Variants in FAM76B observed in about 807,000 individuals in gnomAD.
The protein encoded by FAM76B is protein FAM76B.
A neutral mutation model predicts 51.8 loss-of-function variants in FAM76B; 16 were observed. The ratio of observed to expected loss-of-function variants is 0.31; its 90% CI spans 0.21 to 0.47. FAM76B has a LOEUF of 0.47. FAM76B is among the 20% of genes least tolerant of loss of function. The pLI is 1.00. For synonymous variants in FAM76B, 166 were observed against 129.5 expected (o/e 1.28, Z -1.91); for missense variants, 342 against 392.6 (o/e 0.87, Z 1.09).
intron 9 of FAM76B, among the ~76,000 whole-genome samples, chr11:95,772,395 TTAGTG>T (rs1335053420): frequency 6.6e-6 from 1 of 151,198 alleles, no homozygotes; most frequent in African/African-American, 2.4e-5. Context: ...CATCACTAGT[TTAGTG>T]AAGAGGAATG....
At chr11:95,787,345 T>C (rs568888417) in intron 3 of FAM76B, among the ~76,000 whole-genome samples, 1 of 152,052 alleles carries the variant, frequency 6.6e-6, no homozygotes, top group African/African-American at 2.4e-5. Context: ...GCCATTCTCC[T>C]GCCTCAGCCT....
chr11:95,786,249 A>G lies in FAM76B; in HGVS notation c.233T>C (p.Ile78Thr). 2.5e-6 allele frequency: 4 copies of G among 1,614,142 alleles called. No homozygotes were observed. The highest frequency in any genetic ancestry group is 3.4e-6 in the Non-Finnish European group (4 of 1,179,996). Residue 78 changes from isoleucine to threonine, a missense_variant, in exon 4 of 10, where the codon ATA becomes ACA. Physicochemically the swap from Ile to Thr is moderately conservative, Grantham distance 89. Transcript: ENST00000358780. Reference protein sequence around the residue: ...GTPKPCQYCNIIAAFIGTKCQ... With the variant: ...GTPKPCQYCNTIAAFIGTKCQ... ...CTTGGTACCAATAAATGCTGCAATT[A>G]TGTTACAGTACTGACAAGGCTTGGG...
At chr11:95,788,870 G>A in intron 1 of FAM76B, 2 of 1,377,830 alleles carry the variant, frequency 1.5e-6, no homozygotes, top group South Asian at 2.4e-5. Flanking sequence ...GTTGCTCACA[G>A]ACAGCATCCA....
chr11:95,781,660 T>A (rs1215455226), intron 5 of FAM76B, among the ~76,000 whole-genome samples: 3 of 152,160 alleles, frequency 2.0e-5, no homozygotes, highest in Non-Finnish European at 4.4e-5. Flanking sequence ...TATTATGGTA[T>A]ATAGTCATTT....
At position 95,783,250 on chromosome 11, in the gene FAM76B, T is replaced by G. The variant is rs762532217; in HGVS notation, c.378A>C (p.Leu126Phe). The G allele has an allele frequency of 4.0e-5, 64 of 1,612,080 alleles. No homozygotes were observed. Among genetic ancestry groups the G allele is most frequent in the Non-Finnish European group, 5.0e-5 (59 of 1,179,614 alleles). Reference sequence around the variant, plus strand: ...ACGATAAAGTACAGAGCCAGCATAATAACTTTCCATCAACCTTTTAAGAAA... The same window carrying G: ...ACGATAAAGTACAGAGCCAGCATAAGAACTTTCCATCAACCTTTTAAGAAA... ...EEGRRKVDGK[L>F]LCWLCTLSYK... Residue 126 changes from leucine to phenylalanine, a missense_variant, in exon 5 of 10, where the codon TTA becomes TTC. Leu to Phe is a conservative substitution (Grantham distance 22). This residue lies in a region of FAM76B where 230 missense variants were observed against 257.4 expected (regional missense o/e 0.89). Transcript: ENST00000358780.
rs762422689 is a variant in FAM76B, at chr11:95,776,075, ACAC to A, written c.829-55_829-53del. Reference sequence around the variant, plus strand: ...TATATATTTGCACACATACACACACACACCATTTTAAATAACTTTCACAATAAA... The same window carrying A: ...TATATATTTGCACACATACACACACACATTTTAAATAACTTTCACAATAAA... On this transcript the variant is annotated intron_variant, in intron 8 of 9. Coordinates refer to ENST00000358780, the MANE Select transcript of FAM76B (RefSeq NM_144664.5). 62 of 942,740 alleles carry A rather than the reference ACAC, an allele frequency of 6.6e-5. No individual in the cohort carries two copies. The East Asian group carries it at 1.7e-3, about 26-fold the overall frequency. 58.4% of individuals were successfully genotyped at this position (942,740 alleles called of 1,614,324 possible). A position where few individuals can be genotyped will look rare whatever the true frequency, so the allele number is the denominator to read the frequency against.
At chr11:95,777,254 A>T (rs1318500722) in intron 8 of FAM76B, among the ~76,000 whole-genome samples, 8 of 151,420 alleles carry the variant, frequency 5.3e-5, no homozygotes, top group Non-Finnish European at 7.4e-5. Flanking sequence ...GCAAATGTAT[A>T]GTTATTTTAG....
At chr11:95,772,208 C>T (rs1396666105) in intron 9 of FAM76B, among the ~76,000 whole-genome samples, 1 of 150,950 alleles carries the variant, frequency 6.6e-6, no homozygotes, top group African/African-American at 2.4e-5. Flanking sequence ...TTAAAGCACC[C>T]ATCAGAACCA....
intron 7 of FAM76B, 182 bp downstream of exon 7, chr11:95,779,425 C>T (rs1307614926): frequency 3.3e-6 from 2 of 599,640 alleles, no homozygotes; most frequent in Non-Finnish European, 2.7e-6. Context: ...TAGTTCAGTG[C>T]CACTTTCTTA....
intron 2 of FAM76B, among the ~76,000 whole-genome samples, chr11:95,788,239 G>A (rs1285274532): frequency 6.6e-6 from 1 of 151,990 alleles, no homozygotes; most frequent in Non-Finnish European, 1.5e-5. Context: ...GTTTACATTT[G>A]CATTTTCATT....
chr11:95,779,407 G>C (rs973545722), intron 7 of FAM76B, 200 bp downstream of exon 7: 2 of 583,076 alleles, frequency 3.4e-6, no homozygotes, highest in Admixed American at 3.6e-5. Flanking sequence ...TTCCCAAATA[G>C]AACAACATAG....
intron 7 of FAM76B, 21 bp from the exon 8 acceptor site, chr11:95,778,978 C>T: frequency 6.2e-7 from 1 of 1,604,132 alleles, no homozygotes; most frequent in Non-Finnish European, 8.5e-7. Context: ...AAAAGTAAAA[C>T]ACAGTTAAAT....
chr11:95,776,758 G>C (rs1319339264), intron 8 of FAM76B, among the ~76,000 whole-genome samples: 4 of 151,210 alleles, frequency 2.6e-5, no homozygotes, highest in Non-Finnish European at 5.9e-5. Flanking sequence ...AAGTTATTAT[G>C]TAATTTCACT....
At chr11:95,788,810 G>A in intron 1 of FAM76B, 2 of 1,466,238 alleles carry the variant, frequency 1.4e-6, no homozygotes, top group South Asian at 1.2e-5. Context: ...AAGCTGTCAG[G>A]GCCTATTTCA....
intron 1 of FAM76B, chr11:95,788,894 T>C: frequency 7.4e-7 from 1 of 1,360,162 alleles, no homozygotes; most frequent in South Asian, 1.2e-5. Context: ...TTTAATGGGA[T>C]GGGAGGAGCT....
chr11:95,780,271 CA>C (rs1316433378), intron 5 of FAM76B, among the ~76,000 whole-genome samples: 2 of 151,848 alleles, frequency 1.3e-5, no homozygotes, highest in African/African-American at 4.8e-5. Flanking sequence ...ATTTCAGACA[CA>C]AAATTTGTAT....
chr11:95,778,662 A>G (rs1565288327), intron 8 of FAM76B, among the ~76,000 whole-genome samples, 160 bp downstream of exon 8: 1 of 151,518 alleles, frequency 6.6e-6, no homozygotes, highest in Non-Finnish European at 1.5e-5. Context: ...ATTTTTACCC[A>G]TCTTCATTAG....
At chr11:95,783,706 C>G (rs947692410) in intron 4 of FAM76B, among the ~76,000 whole-genome samples, 3 of 152,168 alleles carry the variant, frequency 2.0e-5, no homozygotes, top group Non-Finnish European at 4.4e-5. Flanking sequence ...TCTCATTATT[C>G]TTGCATTTCC....
chr11:95,779,259 C>A, intron 7 of FAM76B: 1 of 749,410 alleles, frequency 1.3e-6, no homozygotes, highest in South Asian at 1.7e-5. Context: ...CAAAGTAACG[C>A]TCATAATATT....
Sources: allele counts gnomAD v4.1 joint callset (sites outside exome capture counted in the v4.1 genomes callset), GRCh38; gene constraint gnomAD v4.1.1; regional missense constraint gnomAD v4.1.1; transcripts MANE v1.5; gene names NCBI Gene and HGNC (gene_info 2026-07-23, HGNC 2026-07-21).